The following PPARA variants were observed in gnomAD, a reference collection of about 807,000 sequenced individuals.
PPARA encodes the protein peroxisome proliferator-activated receptor alpha.
Under a neutral mutation model 42.2 loss-of-function variants are expected in PPARA, and 22 were observed. That is an observed-to-expected ratio of 0.52 (90% CI 0.37 to 0.74). The LOEUF is 0.74. Among genes scored for constraint, PPARA ranks in the 30% least tolerant of loss-of-function variants. The pLI is 0.00. For synonymous variants in PPARA, 242 were observed against 239.3 expected (o/e 1.01, Z -0.10); for missense variants, 465 against 608.2 (o/e 0.76, Z 2.48).
chr22:46,219,925 A>G lies in PPARA; in HGVS notation c.622A>G (p.Lys208Glu), dbSNP rs148141293. The G allele has an allele frequency of 6.2e-6, 10 of 1,614,132 alleles. No individual in the cohort carries two copies. Among genetic ancestry groups the G allele is most frequent in the Non-Finnish European group, 8.5e-6 (10 of 1,180,050 alleles). ...SETADLKSLA[K>E]RIYEAYLKNF... The stretch of plus-strand genomic sequence containing the variant: ...AACTGCAGATCTCAAATCTCTGGCC[A>G]AGAGAATCTACGAGGCCTACTTGAA... Residue 208 changes from lysine to glutamate, a missense_variant, in exon 7 of 9, where the codon AAG (lysine) becomes GAG (glutamate). Lys to Glu is a moderately conservative substitution (Grantham distance 56, BLOSUM62 1). Around this residue, in one of 2 missense-constraint regions of PPARA, gnomAD observed 313 missense variants for 469.1 expected, o/e 0.67. Coordinates refer to ENST00000407236, the MANE Select transcript of PPARA (RefSeq NM_005036.6). The surrounding 1 kb of genome is among the most constrained non-coding windows in gnomAD (Gnocchi z 4.8).
chr22:46,227,472 G>A lies in PPARA; in HGVS notation c.712-4320G>A, dbSNP rs1417322539. The stretch of plus-strand genomic sequence containing the variant: ...TTGCCATGTTGGCCGGGCTGGTCTC[G>A]AAATCCTGACCTCAGGTCATCCACC... On this transcript the variant is annotated intron_variant, in intron 7 of 8. Coordinates refer to ENST00000407236, the MANE Select transcript of PPARA (RefSeq NM_005036.6). The surrounding 1 kb of genome is among the most constrained non-coding windows in gnomAD (Gnocchi z 4.3). Among the ~76,000 whole-genome samples, 5 of 152,210 alleles carry A rather than the reference G, an allele frequency of 3.3e-5. No homozygotes were observed. The highest frequency in any genetic ancestry group is 6.5e-5 in the Admixed American group (1 of 15,278).
chr22:46,202,028 G>A (rs1311886257), intron 4 of PPARA, among the ~76,000 whole-genome samples: 1 of 152,054 alleles, frequency 6.6e-6, no homozygotes, highest in Non-Finnish European at 1.5e-5. Flanking sequence ...TTTTCTTTGG[G>A]TAAGATATAC....
chr22:46,210,601 C>T (rs929517021), intron 4 of PPARA, among the ~76,000 whole-genome samples: 3 of 151,916 alleles, frequency 2.0e-5, no homozygotes, highest in Non-Finnish European at 2.9e-5. Context: ...CACCACCATG[C>T]CCAGATAATT....
rs896744849 is a variant in PPARA at position 46,243,602 on chromosome 22, A to C, written c.*8222A>C. 1 of 152,432 alleles carries C rather than the reference A, an allele frequency of 6.6e-6. No individual in the cohort carries two copies. The highest frequency in any genetic ancestry group is 1.5e-5 in the Non-Finnish European group (1 of 68,034). The allele number at this position is 152,432 out of a possible 1,614,324, so 9.4% of individuals were successfully genotyped here. ...TGGGTCTTCGTTTTCCTATTAGGAG[A>C]CTGAACTGACCACATGTATTGATTT... On this transcript the variant is annotated 3_prime_UTR_variant, in exon 9 of 9. Transcript: ENST00000407236. The surrounding 1 kb of genome is among the most constrained non-coding windows in gnomAD (Gnocchi z 5.0).
Position 46,184,663 on chromosome 22 carries a change from T to C in PPARA, c.-43+7827T>C, listed in dbSNP as rs971206539. On this transcript the variant is annotated intron_variant, in intron 3 of 8. Coordinates refer to ENST00000407236, the MANE Select transcript of PPARA (RefSeq NM_005036.6). This position sits in a 1 kb window ranked among gnomAD's most constrained non-coding sequence, Gnocchi z 4.4. ...TGAGGTCGGAAGTTCAAGACCAGCCTGGCCAATATGGCAAAACCTCTTCTC... is the reference window on the plus strand; with the variant it reads ...TGAGGTCGGAAGTTCAAGACCAGCCCGGCCAATATGGCAAAACCTCTTCTC... 1.3e-5 allele frequency among the ~76,000 whole-genome samples: 2 copies of C among 152,192 alleles called. No homozygotes were observed. The highest frequency in any genetic ancestry group is 2.4e-5 in the African/African-American group (1 of 41,460).
In PPARA at chr22:46,219,697, A is replaced by G; in HGVS notation, c.509-115A>G. 1 of 1,022,970 alleles carries G rather than the reference A, an allele frequency of 9.8e-7. No homozygotes were observed. The highest frequency in any genetic ancestry group is 1.3e-5 in the South Asian group (1 of 75,622). 63.4% of individuals were successfully genotyped at this position (1,022,970 alleles called of 1,614,324 possible). A position where few individuals can be genotyped will look rare whatever the true frequency, so the allele number is the denominator to read the frequency against. ...GAATAGTAATGAAGGATGGGTCTGAACTGCCTGTGAATTTTCATTCCTGGT... is the reference window on the plus strand; with the variant it reads ...GAATAGTAATGAAGGATGGGTCTGAGCTGCCTGTGAATTTTCATTCCTGGT... On this transcript the variant is annotated intron_variant, in intron 6 of 8. Transcript: ENST00000407236. The surrounding 1 kb of genome is among the most constrained non-coding windows in gnomAD (Gnocchi z 4.8).
chr22:46,153,001 G>T (rs1008744785), intron 2 of PPARA, among the ~76,000 whole-genome samples: 1 of 152,174 alleles, frequency 6.6e-6, no homozygotes, highest in African/African-American at 2.4e-5. Flanking sequence ...CAGGAGAATC[G>T]CTTGAGCCTG....
rs5769178 is a variant in PPARA at position 46,165,375 on chromosome 22, A to C, written c.-126-11378A>C. The C allele has an allele frequency of 0.1, 15,809 of 152,302 alleles. 1,032 individuals carry two copies. The highest frequency in any genetic ancestry group is 0.15 in the South Asian group (727 of 4,824). The allele number at this position is 152,302 out of a possible 1,614,324, so 9.4% of individuals were successfully genotyped here. On this transcript the variant is annotated intron_variant, in intron 2 of 8. Transcript: ENST00000407236. This position sits in a 1 kb window ranked among gnomAD's most constrained non-coding sequence, Gnocchi z 5.5. ...TCTGACAGTGGCTCAGTAGTTTGGAAGTTAACTGGCAAAGGTGGACAGAAT... is the reference window on the plus strand; with the variant it reads ...TCTGACAGTGGCTCAGTAGTTTGGACGTTAACTGGCAAAGGTGGACAGAAT...
rs1929780902 is a variant in PPARA at position 46,180,402 on chromosome 22, C to G, written c.-43+3566C>G. On this transcript the variant is annotated intron_variant, in intron 3 of 8. Coordinates refer to ENST00000407236, the MANE Select transcript of PPARA (RefSeq NM_005036.6). This position sits in a 1 kb window ranked among gnomAD's most constrained non-coding sequence, Gnocchi z 4.2. ...GAAAGGCTTTAAGTAACCACTCCCCCACTGAAGTTAGAGTTAAGAAAGAAT... is the reference window on the plus strand; with the variant it reads ...GAAAGGCTTTAAGTAACCACTCCCCGACTGAAGTTAGAGTTAAGAAAGAAT... Among the ~76,000 whole-genome samples the G allele has an allele frequency of 6.6e-6, 1 of 152,140 alleles. No homozygotes were observed. Among genetic ancestry groups the G allele is most frequent in the South Asian group, 2.1e-4 (1 of 4,820 alleles).
chr22:46,215,035 C>T, intron 4 of PPARA, 138 bp from the exon 5 acceptor site: 1 of 1,045,382 alleles, frequency 9.6e-7, no homozygotes, highest in East Asian at 2.6e-5. Flanking sequence ...GAGGCAGGGC[C>T]CGGCCCCGCA....
intron 2 of PPARA, among the ~76,000 whole-genome samples, chr22:46,175,270 C>T (rs976334209): frequency 1.3e-5 from 2 of 152,188 alleles, no homozygotes; most frequent in African/African-American, 4.8e-5. Context: ...AGTCAGGATA[C>T]TGACATTGAT....
chr22:46,232,268 C>G lies in PPARA; in HGVS notation c.1159+29C>G. ...AGTGGTTGATTTAATCTGCTGGTAT[C>G]ATGTCACTGACAGGCTCCTGTCTTG... is the stretch of plus-strand genomic sequence containing the variant. On this transcript the variant is annotated intron_variant, in intron 8 of 8. Transcript: ENST00000407236. This position sits in a 1 kb window ranked among gnomAD's most constrained non-coding sequence, Gnocchi z 5.3. The G allele has an allele frequency of 6.2e-7, 1 of 1,607,072 alleles. No homozygotes were observed. Among genetic ancestry groups the G allele is most frequent in the Non-Finnish European group, 8.5e-7 (1 of 1,173,766 alleles).
chr22:46,198,435 G>A lies in PPARA; in HGVS notation c.52G>A (p.Asp18Asn), dbSNP rs545494011. Residue 18 changes from aspartate to asparagine, a missense_variant, in exon 4 of 9, where the codon GAT becomes AAT. Transcript: ENST00000407236. ...CCCCCTCTCCCCACTCGAGGCCGGC[G>A]ATCTAGAGAGCCCGTTATCTGAAGA... The part of the protein sequence containing the change: ...LCPLSPLEAG[D>N]LESPLSEEFL... 5.8e-5 allele frequency: 93 copies of A among 1,613,796 alleles called. 1 individual carries two copies. In the South Asian group the frequency reaches 8.7e-4, roughly 15 times the overall value.
In PPARA at chr22:46,242,815, TC is replaced by T. The variant is rs1405679104; in HGVS notation, c.*7438del. On this transcript the variant is annotated 3_prime_UTR_variant, in exon 9 of 9. Coordinates refer to ENST00000407236, the MANE Select transcript of PPARA (RefSeq NM_005036.6). The surrounding 1 kb of genome is among the most constrained non-coding windows in gnomAD (Gnocchi z 6.1). ...ATTTACTTTCAATGTGGAAATCTGT[TC>T]CCTTTACCACACTGTATATGCACAG... is the stretch of plus-strand genomic sequence containing the variant. The T allele has an allele frequency of 1.0e-4, 16 of 152,532 alleles. No homozygotes were observed. The highest frequency in any genetic ancestry group is 3.9e-4 in the African/African-American group (16 of 41,504). The allele number at this position is 152,532 out of a possible 1,614,324, so 9.4% of individuals were successfully genotyped here. A position where few individuals can be genotyped will look rare whatever the true frequency, so the allele number is the denominator to read the frequency against.
At chr22:46,175,369 C>T (rs927386667) in intron 2 of PPARA, among the ~76,000 whole-genome samples, 1 of 152,134 alleles carries the variant, frequency 6.6e-6, no homozygotes, top group Non-Finnish European at 1.5e-5. Context: ...CTTCCCATCC[C>T]TTTTTTAATT....
At chr22:46,177,624 C>T (rs564918762) in intron 3 of PPARA, among the ~76,000 whole-genome samples, 3 of 152,098 alleles carry the variant, frequency 2.0e-5, no homozygotes, top group Admixed American at 1.3e-4. Context: ...GAATCTTGGG[C>T]ATAAACTAAG....
In PPARA at chr22:46,161,541, G is replaced by C. The variant is rs1926174017; in HGVS notation, c.-127+9571G>C. On this transcript the variant is annotated intron_variant, in intron 2 of 8. Transcript: ENST00000407236. This position sits in a 1 kb window ranked among gnomAD's most constrained non-coding sequence, Gnocchi z 4.8. Reference sequence around the variant, plus strand: ...GCGGAGGCTGCAGTGAACCAAGATTGTGCCACTGCACTCCAGCCTGGCAAC... The same window carrying C: ...GCGGAGGCTGCAGTGAACCAAGATTCTGCCACTGCACTCCAGCCTGGCAAC... Among the ~76,000 whole-genome samples, 1 of 152,038 alleles carries C rather than the reference G, an allele frequency of 6.6e-6. No homozygotes were observed. The highest frequency in any genetic ancestry group is 6.6e-5 in the Admixed American group (1 of 15,260).
intron 6 of PPARA, 70 bp downstream of exon 6, chr22:46,218,471 G>A: frequency 6.3e-7 from 1 of 1,597,026 alleles, no homozygotes; most frequent in Non-Finnish European, 8.6e-7. Context: ...CAAGGGAACA[G>A]ATCAAGCTAT....
At chr22:46,185,984 G>T (rs1601684469) in intron 3 of PPARA, among the ~76,000 whole-genome samples, 1 of 103,682 alleles carries the variant, frequency 9.6e-6, no homozygotes, top group African/African-American at 3.7e-5. Flanking sequence ...CTAACCTTCA[G>T]CATATAGGAC....
Sources: gnomAD v4.1 joint callset for allele counts (sites outside exome capture counted in the v4.1 genomes callset) on GRCh38, gnomAD v4.1.1 for gene constraint, gnomAD v4.1.1 regional missense constraint, Gnocchi (gnomAD v3.1) non-coding constraint, MANE v1.5 for transcripts, NCBI Gene and HGNC (gene_info 2026-07-23, HGNC 2026-07-21) for gene names.